The following PCDH15 variants were observed in gnomAD, a reference collection of about 807,000 sequenced individuals.
PCDH15 encodes protocadherin related 15.
A neutral mutation model predicts 178.5 loss-of-function variants in PCDH15; 129 were observed. The ratio of observed to expected loss-of-function variants is 0.72; its 90% CI spans 0.63 to 0.84. The LOEUF (loss-of-function observed/expected upper bound fraction) is 0.84. PCDH15 is among the 40% of genes least tolerant of loss of function. The pLI is 0.00. For missense variants in PCDH15, 2,230 were observed against 2,099.9 expected (o/e 1.06, Z -1.21); for synonymous variants, 800 against 732.0 (o/e 1.09, Z -1.50).
chr10:55,266,209 T>G (rs1842290307), intron 1 of PCDH15, among the ~76,000 whole-genome samples: 1 of 152,058 alleles, frequency 6.6e-6, no homozygotes, highest in African/African-American at 2.4e-5. Flanking sequence ...ACTTTTTTTT[T>G]TTCTTCTCAT....
chr10:53,925,874 A>G (rs1293765949), intron 25 of PCDH15, among the ~76,000 whole-genome samples: 1 of 151,960 alleles, frequency 6.6e-6, no homozygotes, highest in Non-Finnish European at 1.5e-5. Flanking sequence ...ATTATTTTAC[A>G]TTTGTACCAC....
rs1299626178 is a variant in PCDH15 at position 55,341,785 on chromosome 10, ATATATATATATATATATATATTTTTTTT to A, written c.-155-175162_-155-175135del. Among the ~76,000 whole-genome samples, 206 of 21,450 alleles carry A rather than the reference ATATATATATATATATATATATTTTTTTT, an allele frequency of 9.6e-3. 9 individuals are homozygous for A. The highest frequency in any genetic ancestry group is 0.024 in the African/African-American group (184 of 7,726). The allele number at this position is 21,450 out of a possible 152,430, so 14.1% of individuals were successfully genotyped here. ...TGCATATATATATATATATATATAT[ATATATATATATATATATATATTTTTTTT>A]TTTTTTTTTTTTTTTTTTAGTAGAG... On this transcript the variant is annotated intron_variant, in intron 2 of 5. Transcript: ENST00000613346.
chr10:55,562,337 G>A (rs766590860), intron 2 of PCDH15, among the ~76,000 whole-genome samples: 16 of 151,950 alleles, frequency 1.1e-4, no homozygotes, highest in Middle Eastern at 3.4e-3. Context: ...AATTCAATTA[G>A]TTTTGAAATA....
intron 2 of PCDH15, among the ~76,000 whole-genome samples, chr10:54,655,298 G>GAGAGAGAGAGAGAGAGAGAC (rs1565866433): frequency 8.9e-6 from 1 of 112,528 alleles, no homozygotes; most frequent in Non-Finnish European, 2.1e-5. Context: ...GAGAGAGAGA[G>GAGAGAGAGAGAGAGAGAGAC]AGAGACAGAG....
At chr10:54,495,702 TC>T (rs2080045777) in intron 3 of PCDH15, among the ~76,000 whole-genome samples, 1 of 152,166 alleles carries the variant, frequency 6.6e-6, no homozygotes, top group South Asian at 2.1e-4. Context: ...ATTAACCACC[TC>T]TAACTTATCT....
chr10:54,424,937 A>G lies in PCDH15; in HGVS notation c.158-45995T>C, dbSNP rs192647593. On this transcript the variant is annotated intron_variant, in intron 3 of 37. Coordinates refer to ENST00000644397, the MANE Select transcript of PCDH15 (RefSeq NM_001384140.1). ...GATGAGTTAATGGGTGAAGCACACC[A>G]ACATGGCACATGTATATATATGTAA... Among the ~76,000 whole-genome samples, 1,108 of 151,392 alleles carry G rather than the reference A, an allele frequency of 7.3e-3. 15 individuals are homozygous for G. The highest frequency in any genetic ancestry group is 0.026 in the African/African-American group (1,052 of 41,088).
intron 34 of PCDH15, 111 bp downstream of exon 34, chr10:53,817,884 G>C: frequency 2.5e-6 from 1 of 396,660 alleles, no homozygotes; most frequent in East Asian, 3.6e-5. Flanking sequence ...ATATGTTTTT[G>C]CTGAAATCAA....
intron 5 of PCDH15, among the ~76,000 whole-genome samples, chr10:54,366,443 A>T (rs1946803502): frequency 6.6e-6 from 1 of 152,042 alleles, no homozygotes; most frequent in African/African-American, 2.4e-5. Context: ...ATTTTATTAC[A>T]AACACAGCAT....
intron 2 of PCDH15, among the ~76,000 whole-genome samples, chr10:55,563,257 T>C (rs1842235700): frequency 6.6e-6 from 1 of 151,824 alleles, no homozygotes; most frequent in African/African-American, 2.4e-5. Flanking sequence ...TTCCAGGAGA[T>C]TTAAAAGGCT....
At position 53,818,868 on chromosome 10, in the gene PCDH15, C is replaced by T. The variant is rs185939918; in HGVS notation, c.4434-855G>A. ...ACATGCATAACTTTCTAAAATCCAA[C>T]AAAAGAATCTCTGTAGAAAAATTTT... On this transcript the variant is annotated intron_variant, in intron 33 of 37. Coordinates refer to ENST00000644397, the MANE Select transcript of PCDH15 (RefSeq NM_001384140.1). 5.9e-5 allele frequency among the ~76,000 whole-genome samples: 9 copies of T among 152,052 alleles called. No individual in the cohort carries two copies. In the East Asian group the frequency reaches 1.6e-3, roughly 26 times the overall value.
chr10:55,009,909 T>C lies in PCDH15; in HGVS notation c.-79-112409A>G, dbSNP rs1413175364. ...TCATTAACTCTTCTAAATAGCATCC[T>C]GCCTTGGAAAACTGCACAAAATGTG... On this transcript the variant is annotated intron_variant, in intron 2 of 5. Transcript: ENST00000458638. 6.6e-5 allele frequency among the ~76,000 whole-genome samples: 10 copies of C among 152,318 alleles called. No homozygotes were observed. In the East Asian group the frequency reaches 1.2e-3, roughly 18 times the overall value.
At chr10:55,379,121 T>TATATATATATATATAA (rs953825079) in intron 2 of PCDH15, among the ~76,000 whole-genome samples, 1 of 151,440 alleles carries the variant, frequency 6.6e-6, no homozygotes, top group African/African-American at 2.4e-5. Flanking sequence ...TATATATATA[T>TATATATATATATATAA]ATGTATGTAT....
chr10:54,534,915 T>A (rs1323514248), intron 2 of PCDH15, among the ~76,000 whole-genome samples: 1 of 152,198 alleles, frequency 6.6e-6, no homozygotes, highest in Non-Finnish European at 1.5e-5. Context: ...GATCTTGAAT[T>A]TATAAAATCA....
intron 3 of PCDH15, among the ~76,000 whole-genome samples, chr10:54,523,918 CAG>C (rs1288790464): frequency 1.6e-4 from 25 of 152,066 alleles, no homozygotes; most frequent in Admixed American, 1.6e-3. Context: ...GCCTTAAAGA[CAG>C]GGAATGGTAA....
At chr10:55,556,862 A>G (rs927043281) in intron 2 of PCDH15, among the ~76,000 whole-genome samples, 5 of 152,110 alleles carry the variant, frequency 3.3e-5, no homozygotes, top group Admixed American at 2.0e-4. Context: ...AGTTTTTTAC[A>G]TTTTTCTTAA....
At chr10:55,060,473 T>A (rs936166669) in intron 2 of PCDH15, among the ~76,000 whole-genome samples, 3 of 152,012 alleles carry the variant, frequency 2.0e-5, no homozygotes, top group African/African-American at 7.2e-5. Flanking sequence ...TAGTTTGGGT[T>A]TATATTCAAA....
intron 2 of PCDH15, among the ~76,000 whole-genome samples, chr10:54,563,548 G>A (rs990998961): frequency 6.6e-6 from 1 of 152,174 alleles, no homozygotes; most frequent in African/African-American, 2.4e-5. Flanking sequence ...GGCAGCAAAA[G>A]AGTAACATAT....
chr10:53,850,609 A>T (rs1056666447), intron 28 of PCDH15, among the ~76,000 whole-genome samples: 2 of 152,126 alleles, frequency 1.3e-5, no homozygotes, highest in African/African-American at 4.8e-5. Context: ...AATAAATGGT[A>T]GGATTTATTA....
chr10:54,083,964 G>A (rs559623811), intron 16 of PCDH15, among the ~76,000 whole-genome samples: 6 of 152,122 alleles, frequency 3.9e-5, no homozygotes, highest in Admixed American at 1.3e-4. Flanking sequence ...GGTGGCTCAC[G>A]CCTGTAATTC....
Sources: gnomAD v4.1 joint callset for allele counts (sites outside exome capture counted in the v4.1 genomes callset) on GRCh38, gnomAD v4.1.1 for gene constraint, MANE v1.5 for transcripts, NCBI Gene and HGNC (gene_info 2026-07-23, HGNC 2026-07-21) for gene names.